The following SLC35F3 variants were observed in gnomAD, a reference collection of about 807,000 sequenced individuals.
SLC35F3 encodes the protein solute carrier family 35 member F3.
Under a neutral mutation model 49.9 loss-of-function variants are expected in SLC35F3, and 25 were observed. The observed-to-expected ratio is 0.50, with a 90% confidence interval of 0.37 to 0.70. The LOEUF (loss-of-function observed/expected upper bound fraction) is 0.70, where lower values mean the gene tolerates loss of function less well. SLC35F3 is among the 30% of genes least tolerant of loss of function. SLC35F3 has a pLI of 0.00. For synonymous variants in SLC35F3, 275 were observed against 265.4 expected (o/e 1.04, Z -0.35); for missense variants, 525 against 639.8 (o/e 0.82, Z 1.94).
Position 234,318,830 on chromosome 1 carries a change from T to C in SLC35F3, c.1034T>C (p.Ile345Thr), listed in dbSNP as rs1657551836. Reference protein sequence around the residue: ...LFLSILGVFNILFITCIPIIL... With the variant: ...LFLSILGVFNTLFITCIPIIL... ...TTGTCCATCTTGGGTGTGTTTAACA[T>C]CCTCTTCATCACCTGCATTCCTATT... The change falls in exon 6 of 8, where the codon ATC becomes ACC. Residue 345 changes from isoleucine to threonine, a missense_variant. By Grantham distance (89) the Ile-to-Thr change is moderately conservative (BLOSUM62 -1). Around this residue, in one of 4 missense-constraint regions of SLC35F3, gnomAD observed 216 missense variants for 298.1 expected, o/e 0.72. Transcript: ENST00000366618. The C allele has an allele frequency of 6.2e-7, 1 of 1,614,230 alleles. No homozygotes were observed. Among genetic ancestry groups the C allele is most frequent in the Non-Finnish European group, 8.5e-7 (1 of 1,180,020 alleles).
At chr1:234,310,843 T>C (rs1657337229) in intron 4 of SLC35F3, among the ~76,000 whole-genome samples, 1 of 152,100 alleles carries the variant, frequency 6.6e-6, no homozygotes, top group African/African-American at 2.4e-5. Flanking sequence ...ACTTGAAAAA[T>C]ACTCCTAAAT....
chr1:233,916,546 T>C (rs1445566328), intron 2 of SLC35F3, among the ~76,000 whole-genome samples: 1 of 152,264 alleles, frequency 6.6e-6, no homozygotes, highest in Non-Finnish European at 1.5e-5. Flanking sequence ...TATAAACTTC[T>C]TTTATAGGTT....
intron 3 of SLC35F3, among the ~76,000 whole-genome samples, chr1:234,237,232 G>C (rs1424816852): frequency 6.6e-6 from 1 of 151,978 alleles, no homozygotes; most frequent in Non-Finnish European, 1.5e-5. Context: ...CACATAAGAG[G>C]TGGAATGACT....
chr1:233,918,489 G>A (rs916432444), intron 2 of SLC35F3, among the ~76,000 whole-genome samples: 4 of 152,134 alleles, frequency 2.6e-5, no homozygotes, highest in Admixed American at 2.6e-4. Context: ...TTGAAGGTCT[G>A]TTGCTTATTA....
intron 2 of SLC35F3, among the ~76,000 whole-genome samples, chr1:234,198,243 G>A (rs1163802315): frequency 6.6e-6 from 1 of 152,208 alleles, no homozygotes; most frequent in Non-Finnish European, 1.5e-5. Flanking sequence ...ATTATGTACA[G>A]TATTTCTTGA....
intron 2 of SLC35F3, among the ~76,000 whole-genome samples, chr1:233,984,527 C>G (rs1663236744): frequency 6.6e-6 from 1 of 152,228 alleles, no homozygotes; most frequent in Admixed American, 6.5e-5. Flanking sequence ...CACATTGGCT[C>G]TGGCCTGAAA....
chr1:234,291,743 CG>C (rs1668511160), intron 3 of SLC35F3, among the ~76,000 whole-genome samples: 1 of 152,142 alleles, frequency 6.6e-6, no homozygotes, highest in African/African-American at 2.4e-5. Context: ...GTGGGGTTTT[CG>C]TGATGGAGAA....
At chr1:234,239,522 A>G (rs1572109884) in intron 3 of SLC35F3, among the ~76,000 whole-genome samples, 1 of 152,332 alleles carries the variant, frequency 6.6e-6, no homozygotes, top group Non-Finnish European at 1.5e-5. Flanking sequence ...TCAAAAAAGG[A>G]CTTTGAGGAT....
At chr1:234,207,883 C>T (rs544193950) in intron 2 of SLC35F3, among the ~76,000 whole-genome samples, 1 of 152,246 alleles carries the variant, frequency 6.6e-6, no homozygotes, top group South Asian at 2.1e-4. Context: ...ATGGTGCACA[C>T]CTGTAGTCCT....
At chr1:233,980,552 G>T (rs1014897693) in intron 2 of SLC35F3, among the ~76,000 whole-genome samples, 7 of 152,170 alleles carry the variant, frequency 4.6e-5, no homozygotes, top group African/African-American at 1.7e-4. Context: ...GCCAGAATTG[G>T]CTCTTCTTCT....
chr1:234,199,352 A>G (rs1176506532), intron 2 of SLC35F3, among the ~76,000 whole-genome samples: 1 of 152,230 alleles, frequency 6.6e-6, no homozygotes, highest in African/African-American at 2.4e-5. Flanking sequence ...TGGGCAATTT[A>G]TTTTCAATAA....
chr1:233,944,509 AG>A (rs1333525935), intron 2 of SLC35F3, among the ~76,000 whole-genome samples: 1 of 152,202 alleles, frequency 6.6e-6, no homozygotes, highest in East Asian at 1.9e-4. Context: ...CATCTAGTAG[AG>A]GGTGTGACAA....
At position 234,160,542 on chromosome 1, in the gene SLC35F3, C is replaced by T. The variant is rs921246840; in HGVS notation, c.284-70875C>T. Among the ~76,000 whole-genome samples, 8 of 152,266 alleles carry T rather than the reference C, an allele frequency of 5.3e-5. No individual in the cohort carries two copies. The East Asian group carries it at 1.5e-3, about 29-fold the overall frequency. ...AATATGGATCACCCAAGCCAGGGTA[C>T]AAGAAGTGTCAGAAAGACACTATTC... On this transcript the variant is annotated intron_variant, in intron 2 of 7. Transcript: ENST00000366618.
chr1:233,925,189 G>C (rs923362360), intron 2 of SLC35F3, among the ~76,000 whole-genome samples: 1 of 152,098 alleles, frequency 6.6e-6, no homozygotes, highest in Non-Finnish European at 1.5e-5. Context: ...GGATATCCTT[G>C]TTAACTTTCT....
At chr1:233,918,810 C>T (rs1662013843) in intron 2 of SLC35F3, among the ~76,000 whole-genome samples, 1 of 45,456 alleles carries the variant, frequency 2.2e-5, no homozygotes, top group African/African-American at 4.0e-5. Flanking sequence ...CTCTCTCTCT[C>T]TCTCTCTATA....
intron 2 of SLC35F3, among the ~76,000 whole-genome samples, chr1:234,015,401 T>A (rs1449306380): frequency 6.6e-6 from 1 of 151,652 alleles, no homozygotes; most frequent in Non-Finnish European, 1.5e-5. Context: ...CTACTTGATT[T>A]CTAACTATCT....
At chr1:234,143,155 A>T (rs1382946281) in intron 2 of SLC35F3, among the ~76,000 whole-genome samples, 1 of 151,898 alleles carries the variant, frequency 6.6e-6, no homozygotes, top group East Asian at 1.9e-4. Flanking sequence ...TCTTCATCCT[A>T]TCTAACTGCA....
At position 233,905,456 on chromosome 1, in the gene SLC35F3, T is replaced by C. The variant is rs984417956; in HGVS notation, c.54-73T>C. The C allele has an allele frequency of 1.4e-5, 16 of 1,143,474 alleles. No individual in the cohort carries two copies. In the Admixed American group the frequency reaches 1.5e-4, roughly 11 times the overall value. The allele number at this position is 1,143,474 out of a possible 1,614,324, so 70.8% of individuals were successfully genotyped here. ...CTCTTGCTCTCGCCCTGGGATCTGC[T>C]CCTCACGAATCCCCTCCTCTCTGTC... On this transcript the variant is annotated intron_variant, in intron 1 of 7. Coordinates refer to ENST00000366618, the MANE Select transcript of SLC35F3 (RefSeq NM_173508.4).
intron 2 of SLC35F3, among the ~76,000 whole-genome samples, chr1:234,043,134 T>C (rs1664245806): frequency 6.6e-6 from 1 of 152,212 alleles, no homozygotes; most frequent in South Asian, 2.1e-4. Context: ...CATTTGAGCC[T>C]CTATCCCTAC....
Sources: gnomAD v4.1 joint callset for allele counts (sites outside exome capture counted in the v4.1 genomes callset) on GRCh38, gnomAD v4.1.1 for gene constraint, gnomAD v4.1.1 regional missense constraint, MANE v1.5 for transcripts, NCBI Gene and HGNC (gene_info 2026-07-23, HGNC 2026-07-21) for gene names.